The following DNAJB12 variants were observed in gnomAD, a reference collection of about 807,000 sequenced individuals.
DNAJB12 encodes dnaJ homolog subfamily B member 12.
A neutral mutation model predicts 40.6 loss-of-function variants in DNAJB12; 14 were observed. The observed-to-expected ratio is 0.34, with a 90% CI of 0.23 to 0.54. DNAJB12 has a LOEUF of 0.54. Ranked by LOEUF, DNAJB12 falls within the 20% of genes least tolerant of loss-of-function variation. DNAJB12 has a pLI of 0.92. For synonymous variants in DNAJB12, 181 were observed against 199.5 expected, an observed-to-expected ratio of 0.91 and a Z score of 0.78; for missense variants, 444 against 501.7, an observed-to-expected ratio of 0.89 and a Z score of 1.10.
At chr10:72,353,139 G>C (rs1861975119) in intron 1 of DNAJB12, among the ~76,000 whole-genome samples, 1 of 152,250 alleles carries the variant, frequency 6.6e-6, no homozygotes, top group South Asian at 2.1e-4. Flanking sequence ...GAGCCCCAGA[G>C]AGGACACTCC....
chr10:72,347,355 C>G (rs1015953020), intron 1 of DNAJB12, among the ~76,000 whole-genome samples: 1 of 152,142 alleles, frequency 6.6e-6, no homozygotes, highest in Non-Finnish European at 1.5e-5. Flanking sequence ...AAGGGGACCC[C>G]GCTTAGCAGG....
intron 6 of DNAJB12, among the ~76,000 whole-genome samples, chr10:72,337,669 G>C (rs1861514599): frequency 6.6e-6 from 1 of 152,104 alleles, no homozygotes; most frequent in Non-Finnish European, 1.5e-5. Context: ...ACTTGTTTAG[G>C]GTCACACAGC....
chr10:72,348,758 G>A (rs1197685019), intron 1 of DNAJB12, among the ~76,000 whole-genome samples: 1 of 152,230 alleles, frequency 6.6e-6, no homozygotes, highest in Non-Finnish European at 1.5e-5. Context: ...AACCCTGAGA[G>A]GGTGCTTGGG....
chr10:72,334,936 A>C, intron 8 of DNAJB12: 1 of 1,209,176 alleles, frequency 8.3e-7, no homozygotes. Context: ...CACCTCTGGC[A>C]AACGCTGGGA....
chr10:72,341,814 A>G (rs1191728732), intron 3 of DNAJB12, among the ~76,000 whole-genome samples: 1 of 152,192 alleles, frequency 6.6e-6, no homozygotes, highest in African/African-American at 2.4e-5. Context: ...CATTTCACCA[A>G]TGAGAAAACT....
chr10:72,351,716 C>T (rs1347484677), intron 1 of DNAJB12, among the ~76,000 whole-genome samples: 1 of 152,234 alleles, frequency 6.6e-6, no homozygotes, highest in African/African-American at 2.4e-5. Flanking sequence ...CAGCAACTTT[C>T]TCTCCATGGT....
intron 8 of DNAJB12, 137 bp from the exon 9 acceptor site, chr10:72,334,754 C>T (rs905442003): frequency 1.1e-5 from 15 of 1,400,914 alleles, no homozygotes; most frequent in Non-Finnish European, 1.4e-5. Context: ...ACCCCACTTG[C>T]GGCCTGCCCT....
At chr10:72,348,688 C>T (rs1861860534) in intron 1 of DNAJB12, among the ~76,000 whole-genome samples, 1 of 152,212 alleles carries the variant, frequency 6.6e-6, no homozygotes, top group African/African-American at 2.4e-5. Context: ...ACTGGGAAAT[C>T]CAAACACAGG....
chr10:72,336,514 C>G lies in DNAJB12; in HGVS notation c.1006+10G>C. ...CCCAAATACAGCCCCCGCCTTCCCCCCACACTCACTCTGCTGCTTCTCCTT... is the reference window on the plus strand; with the variant it reads ...CCCAAATACAGCCCCCGCCTTCCCCGCACACTCACTCTGCTGCTTCTCCTT... On this transcript the variant is annotated intron_variant, in intron 7 of 8. Transcript: ENST00000444643. The G allele has an allele frequency of 6.2e-7, 1 of 1,612,636 alleles. No homozygotes were observed. Among genetic ancestry groups the G allele is most frequent in the Non-Finnish European group, 8.5e-7 (1 of 1,179,322 alleles).
In DNAJB12 at chr10:72,343,623, AG is replaced by A. The variant is rs960076131; in HGVS notation, c.312-113del. The A allele has an allele frequency of 4.3e-5, 50 of 1,174,824 alleles. No individual in the cohort carries two copies. The African/African-American group carries it at 7.2e-4, about 17-fold the overall frequency. The allele number at this position is 1,174,824 out of a possible 1,614,324, so 72.8% of individuals were successfully genotyped here. A position where few individuals can be genotyped will look rare whatever the true frequency, so the allele number is the denominator to read the frequency against. On this transcript the variant is annotated intron_variant, in intron 2 of 8. Transcript: ENST00000444643. ...TCTGGGCAGGCTGCGGGGGACCAAC[AG>A]GGCAAGGCTGACAGCTCCTTGGGTC...
rs1361327868 is a variant in DNAJB12, at chr10:72,339,372, A to G, written c.724-1061T>C. ...AACATGGTGAAACCCCGTCTCTACT[A>G]AAAATACAAAAATTAGCTGGGTGTG... On this transcript the variant is annotated intron_variant, in intron 5 of 8. Coordinates refer to ENST00000444643, the MANE Select transcript of DNAJB12 (RefSeq NM_017626.7). 3.3e-5 allele frequency among the ~76,000 whole-genome samples: 5 copies of G among 151,944 alleles called. No individual in the cohort carries two copies. The East Asian group carries it at 5.8e-4, about 18-fold the overall frequency.
chr10:72,334,468 G>T lies in DNAJB12; in HGVS notation c.*180C>A. The T allele has an allele frequency of 8.0e-7, 1 of 1,246,538 alleles. No individual in the cohort carries two copies. The highest frequency in any genetic ancestry group is 1.1e-6 in the Non-Finnish European group (1 of 885,226). The allele number at this position is 1,246,538 out of a possible 1,614,324, so 77.2% of individuals were successfully genotyped here. On this transcript the variant is annotated 3_prime_UTR_variant, in exon 9 of 9. Transcript: ENST00000444643. ...TTTCTGTCTGTCCTAAGAGCTTTCTGCATTTACTGGGTGAGAGAGAGGGCA... is the reference window on the plus strand; with the variant it reads ...TTTCTGTCTGTCCTAAGAGCTTTCTTCATTTACTGGGTGAGAGAGAGGGCA...
Position 72,340,935 on chromosome 10 carries a change from C to T in DNAJB12, c.643+50G>A, listed in dbSNP as rs1296348792. On this transcript the variant is annotated intron_variant, in intron 4 of 8. Transcript: ENST00000444643. ...GAAAGGGAGAGGCTGGCATGCCATT[C>T]CCACCATCACCCCAGGGATACCTGG... 3.7e-6 allele frequency: 6 copies of T among 1,608,432 alleles called. No homozygotes were observed. In the East Asian group the frequency reaches 9.0e-5, roughly 24 times the overall value.
rs1342596504 is a variant in DNAJB12 at position 72,337,262 on chromosome 10, CA to C, written c.834-567del. Reference sequence around the variant, plus strand: ...TCTGCTCCTCACATCTCTCCAGTTGCAGGGAAAAGGGCTGGCATCTGGCCAC... The same window carrying C: ...TCTGCTCCTCACATCTCTCCAGTTGCGGGAAAAGGGCTGGCATCTGGCCAC... On this transcript the variant is annotated intron_variant, in intron 6 of 8. Transcript: ENST00000444643. 3.9e-5 allele frequency among the ~76,000 whole-genome samples: 6 copies of C among 152,348 alleles called. No homozygotes were observed. In the East Asian group the frequency reaches 9.6e-4, roughly 24 times the overall value.
chr10:72,340,926 C>T, intron 4 of DNAJB12, 58 bp from the exon 5 acceptor site: 1 of 1,608,498 alleles, frequency 6.2e-7, no homozygotes, highest in Non-Finnish European at 8.5e-7. Flanking sequence ...GAGAGGCTGG[C>T]ATGCCATTCC....
intron 1 of DNAJB12, among the ~76,000 whole-genome samples, chr10:72,347,879 C>T (rs1413825059): frequency 6.6e-6 from 1 of 151,630 alleles, no homozygotes; most frequent in Non-Finnish European, 1.5e-5. Flanking sequence ...TGCCATTGCA[C>T]TCCAGCCTGG....
At chr10:72,347,879 C>G (rs1413825059) in intron 1 of DNAJB12, among the ~76,000 whole-genome samples, 1 of 151,630 alleles carries the variant, frequency 6.6e-6, no homozygotes, top group Non-Finnish European at 1.5e-5. Context: ...TGCCATTGCA[C>G]TCCAGCCTGG....
intron 5 of DNAJB12, among the ~76,000 whole-genome samples, chr10:72,340,325 A>G (rs181806050): frequency 1.3e-4 from 20 of 152,038 alleles, no homozygotes; most frequent in Admixed American, 9.8e-4. Flanking sequence ...CCTGGGCGAG[A>G]GAGCAAGACT....
rs774479514 is a variant in DNAJB12 at position 72,340,815 on chromosome 10, G to C, written c.697C>G (p.Gln233Glu). 9.3e-6 allele frequency: 15 copies of C among 1,614,156 alleles called. No individual in the cohort carries two copies. In the East Asian group the frequency reaches 3.3e-4, roughly 36 times the overall value. Residue 233 changes from glutamine (Q) to glutamate (E), a missense_variant, in exon 5 of 9, where the codon CAG (glutamine) becomes GAG (glutamate). By Grantham distance (29) the Gln-to-Glu change is conservative. Coordinates refer to ENST00000444643, the MANE Select transcript of DNAJB12 (RefSeq NM_017626.7). ...GRMRYTYQQR[Q>E]DRRDNQGDGG... ...TCACCCTGGTTGTCCCTGCGGTCCT[G>C]CCTTTGCTGGTAGGTATAGCGCATG...
Sources: allele counts gnomAD v4.1 joint callset (sites outside exome capture counted in the v4.1 genomes callset), GRCh38; gene constraint gnomAD v4.1.1; transcripts MANE v1.5; gene names NCBI Gene and HGNC (gene_info 2026-07-23, HGNC 2026-07-21).